SLC8A3: variants seen among roughly 807,000 people sequenced by gnomAD.
SLC8A3 encodes the protein solute carrier family 8 member A3, also known as sodium/calcium exchanger 3.
A neutral mutation model predicts 65.4 loss-of-function variants in SLC8A3; 37 were observed. That is an observed-to-expected ratio of 0.57 (90% CI 0.44 to 0.74). SLC8A3 has a LOEUF of 0.74. Ranked by LOEUF, SLC8A3 falls within the 30% of genes least tolerant of loss-of-function variation. The pLI is 0.00. For synonymous variants in SLC8A3, 461 were observed against 444.5 expected (o/e 1.04, Z -0.47); for missense variants, 1,112 against 1,172.1 (o/e 0.95, Z 0.75).
chr14:70,067,096 G>C (rs1159249854), intron 2 of SLC8A3, among the ~76,000 whole-genome samples: 1 of 152,090 alleles, frequency 6.6e-6, no homozygotes, highest in African/African-American at 2.4e-5. Flanking sequence ...CCTTGCTTAT[G>C]TGTCCTAGAC....
At chr14:70,097,836 C>T (rs898114010) in intron 2 of SLC8A3, among the ~76,000 whole-genome samples, 3 of 152,164 alleles carry the variant, frequency 2.0e-5, no homozygotes, top group African/African-American at 7.2e-5. Flanking sequence ...AAAGCACAAG[C>T]AAGAGTTCTC....
At chr14:70,170,515 T>A (rs1897459179) in intron 1 of SLC8A3, among the ~76,000 whole-genome samples, 4 of 152,250 alleles carry the variant, frequency 2.6e-5, no homozygotes, top group Admixed American at 1.3e-4. Flanking sequence ...TCTCAGTAAC[T>A]GTATGTTTTT....
intron 2 of SLC8A3, among the ~76,000 whole-genome samples, chr14:70,151,434 G>T (rs989814790): frequency 6.6e-6 from 1 of 152,122 alleles, no homozygotes; most frequent in Non-Finnish European, 1.5e-5. Context: ...GAATTCAAAA[G>T]GTTTACAATT....
At chr14:70,058,522 G>A (rs541330341) in intron 3 of SLC8A3, among the ~76,000 whole-genome samples, 1 of 152,346 alleles carries the variant, frequency 6.6e-6, no homozygotes, top group South Asian at 2.1e-4. Flanking sequence ...CACACAGATA[G>A]CTTGCTGAAA....
intron 2 of SLC8A3, among the ~76,000 whole-genome samples, chr14:70,156,688 C>T (rs1896593724): frequency 6.6e-6 from 1 of 152,138 alleles, no homozygotes; most frequent in Non-Finnish European, 1.5e-5. Context: ...GTTTGCAGCT[C>T]CTAGGATAAA....
intron 2 of SLC8A3, among the ~76,000 whole-genome samples, chr14:70,114,861 G>A (rs1179551008): frequency 6.6e-6 from 1 of 152,296 alleles, no homozygotes. Flanking sequence ...GGGTGGGAGA[G>A]AGCGCGTGCT....
In SLC8A3 at chr14:70,046,237, C is replaced by T. The variant is rs1886775094; in HGVS notation, c.2476G>A (p.Val826Ile). Residue 826 changes from valine (V) to isoleucine (I), a missense_variant, in exon 7 of 7, where the codon GTC becomes ATC. By Grantham distance (29) the Val-to-Ile change is conservative. Coordinates refer to ENST00000356921, the MANE Select transcript of SLC8A3 (RefSeq NM_182932.3). The surrounding 1 kb of genome is among the most constrained non-coding windows in gnomAD (Gnocchi z 4.2). ...GNVTGSNAVN[V>I]FLGIGLAWSV... ...CAGGCCAGGCCGATGCCCAGGAAGA[C>T]ATTGACGGCGTTGCTGCCCGTCACG... The T allele has an allele frequency of 6.2e-7, 1 of 1,614,094 alleles. No homozygotes were observed. The highest frequency in any genetic ancestry group is 1.7e-5 in the Admixed American group (1 of 60,010).
chr14:70,166,836 T>C lies in SLC8A3; in HGVS notation c.1587A>G (p.Ala529=), dbSNP rs1265581170. ...ATVTILDDDH[A]GIFTFECDTI... is the part of the protein sequence containing the mutation. Reference sequence around the variant, plus strand: ...TATCACATTCAAAAGTGAAGATGCCTGCATGGTCATCATCCAAGATGGTAA... The same window carrying C: ...TATCACATTCAAAAGTGAAGATGCCCGCATGGTCATCATCCAAGATGGTAA... Residue 529 remains alanine, a synonymous_variant, in exon 2 of 7, where the codon GCA becomes GCG. Coordinates refer to ENST00000356921, the MANE Select transcript of SLC8A3 (RefSeq NM_182932.3). The C allele has an allele frequency of 6.2e-7, 1 of 1,614,090 alleles. No homozygotes were observed. The highest frequency in any genetic ancestry group is 1.3e-5 in the African/African-American group (1 of 75,048).
chr14:70,125,724 T>A (rs528586615), intron 2 of SLC8A3, among the ~76,000 whole-genome samples: 1 of 152,282 alleles, frequency 6.6e-6, no homozygotes, highest in East Asian at 1.9e-4. Context: ...ATATGGTAGT[T>A]CTATTTTCAG....
chr14:70,065,007 G>A (rs1253964210), intron 2 of SLC8A3, among the ~76,000 whole-genome samples: 1 of 152,136 alleles, frequency 6.6e-6, no homozygotes, highest in Non-Finnish European at 1.5e-5. Flanking sequence ...CTAGGTGGGT[G>A]GGTGTGGAAC....
intron 2 of SLC8A3, among the ~76,000 whole-genome samples, chr14:70,125,896 A>G (rs938288521): frequency 6.6e-6 from 1 of 152,198 alleles, no homozygotes; most frequent in African/African-American, 2.4e-5. Context: ...GGTTTAAGGA[A>G]AGGACAGTGG....
chr14:70,060,952 C>A lies in SLC8A3; in HGVS notation c.1785-13G>T. On this transcript the variant is annotated splice_polypyrimidine_tract_variant and intron_variant, in intron 2 of 6. Coordinates refer to ENST00000356921, the MANE Select transcript of SLC8A3 (RefSeq NM_182932.3). ...CCTTATGGTTTTCCTGTAGGGACAA[C>A]AAGAGAGAGAGTGTGTCGACTGGGT... The A allele has an allele frequency of 8.1e-7, 1 of 1,232,558 alleles. No individual in the cohort carries two copies. Among genetic ancestry groups the A allele is most frequent in the Non-Finnish European group, 1.1e-6 (1 of 876,120 alleles). 76.4% of individuals were successfully genotyped at this position (1,232,558 alleles called of 1,614,324 possible). A position where few individuals can be genotyped will look rare whatever the true frequency, so the allele number is the denominator to read the frequency against.
rs781764721 is a variant in SLC8A3 at position 70,060,903 on chromosome 14, TTCC to T, written c.1818_1820del (p.Glu607del). 216 of 1,522,512 alleles carry T rather than the reference TTCC, an allele frequency of 1.4e-4. No homozygotes were observed. Among genetic ancestry groups the T allele is most frequent in the Admixed American group, 2.7e-4 (12 of 45,262 alleles). 94.3% of individuals were successfully genotyped at this position (1,522,512 alleles called of 1,614,324 possible). A position where few individuals can be genotyped will look rare whatever the true frequency, so the allele number is the denominator to read the frequency against. On this transcript the variant is annotated inframe_deletion, in exon 3 of 7. Transcript: ENST00000356921. ...TGAAGAAATTCTCTTGCCTTTCGTA[TTCC>T]TCCTCATCTACTATTTTAACCCTTA...
intron 6 of SLC8A3, chr14:70,047,857 C>A (rs1250399203): frequency 1.3e-5 from 2 of 152,270 alleles, no homozygotes; most frequent in Admixed American, 6.5e-5. Context: ...CCCTGTCTAC[C>A]TGCTAACTCC....
chr14:70,186,851 A>C (rs1883269830), intron 1 of SLC8A3, among the ~76,000 whole-genome samples: 1 of 152,194 alleles, frequency 6.6e-6, no homozygotes, highest in Non-Finnish European at 1.5e-5. Flanking sequence ...CGAAGCCAAG[A>C]GCCCATAAAG....
intron 1 of SLC8A3, among the ~76,000 whole-genome samples, chr14:70,185,911 G>T (rs1315345568): frequency 6.6e-6 from 1 of 152,204 alleles, no homozygotes; most frequent in African/African-American, 2.4e-5. Context: ...TGACAGAGTA[G>T]GTGGCTGTTG....
chr14:70,105,495 G>A (rs1892812064), intron 2 of SLC8A3, among the ~76,000 whole-genome samples: 1 of 152,112 alleles, frequency 6.6e-6, no homozygotes, highest in South Asian at 2.1e-4. Flanking sequence ...TAACAACTCA[G>A]ATGACATGGG....
intron 2 of SLC8A3, among the ~76,000 whole-genome samples, chr14:70,143,181 C>T (rs1465978886): frequency 6.6e-6 from 1 of 152,150 alleles, no homozygotes; most frequent in African/African-American, 2.4e-5. Flanking sequence ...TGGCTGTTGC[C>T]TGTAGATGCG....
intron 2 of SLC8A3, among the ~76,000 whole-genome samples, chr14:70,126,730 A>G (rs1281675442): frequency 6.6e-6 from 1 of 151,960 alleles, no homozygotes; most frequent in Non-Finnish European, 1.5e-5. Context: ...TATCATCCCA[A>G]ACCTACCACT....
Sources: gnomAD v4.1 joint callset for allele counts (sites outside exome capture counted in the v4.1 genomes callset) on GRCh38, gnomAD v4.1.1 for gene constraint, Gnocchi (gnomAD v3.1) non-coding constraint, MANE v1.5 for transcripts, NCBI Gene and HGNC (gene_info 2026-07-23, HGNC 2026-07-21) for gene names.